The following RBMS3 variants were observed in gnomAD, a reference collection of about 807,000 sequenced individuals.
RBMS3 encodes RNA-binding motif, single-stranded-interacting protein 3.
RBMS3 carries 27 observed loss-of-function variants against 66.8 expected under a neutral mutation model. That is an observed-to-expected ratio of 0.40 (90% CI 0.30 to 0.56). The LOEUF is 0.56. Among genes scored for constraint, RBMS3 ranks in the 20% least tolerant of loss-of-function variants. The pLI is 0.40. For synonymous variants in RBMS3, 188 were observed against 183.0 expected (o/e 1.03, Z -0.22); for missense variants, 513 against 549.5 (o/e 0.93, Z 0.66).
intron 4 of RBMS3, among the ~76,000 whole-genome samples, chr3:29,620,763 C>G (rs983530649): frequency 4.6e-5 from 7 of 151,912 alleles, no homozygotes; most frequent in Non-Finnish European, 1.0e-4. Flanking sequence ...TATAAGTCAT[C>G]CTAGAACTCA....
intron 2 of RBMS3, among the ~76,000 whole-genome samples, chr3:29,436,045 T>C (rs2041392432): frequency 6.6e-6 from 1 of 152,154 alleles, no homozygotes; most frequent in Non-Finnish European, 1.5e-5. Context: ...AAAATAATAT[T>C]AGAACATATA....
At chr3:29,432,700 ATAAT>A (rs2041254288) in intron 1 of RBMS3, among the ~76,000 whole-genome samples, 1 of 152,202 alleles carries the variant, frequency 6.6e-6, no homozygotes, top group Non-Finnish European at 1.5e-5. Context: ...TAAGCCAAAA[ATAAT>A]TAAATAAGAC....
chr3:29,516,327 G>A (rs547143799), intron 3 of RBMS3, among the ~76,000 whole-genome samples: 3 of 152,328 alleles, frequency 2.0e-5, no homozygotes, highest in African/African-American at 7.2e-5. Flanking sequence ...AGGCCTAGAG[G>A]TCAGGAGATG....
Position 29,899,700 on chromosome 3 carries a change from C to A in RBMS3, c.889-5C>A. ...TTGTGCTAATAAATGCTGTTTGATG[C>A]ATAGGTCCAGAGTACTTCATGGATG... On this transcript the variant is annotated splice_polypyrimidine_tract_variant and splice_region_variant and intron_variant, in intron 9 of 14. Coordinates refer to ENST00000383767, the MANE Select transcript of RBMS3 (RefSeq NM_001003793.3). The A allele has an allele frequency of 1.2e-6, 2 of 1,608,848 alleles. No individual in the cohort carries two copies. Among genetic ancestry groups the A allele is most frequent in the Non-Finnish European group, 1.7e-6 (2 of 1,177,080 alleles).
intron 2 of RBMS3, among the ~76,000 whole-genome samples, chr3:29,462,899 C>A (rs62236891): frequency 0.038 from 5,801 of 152,212 alleles, 254 homozygotes; most frequent in East Asian, 0.24. Flanking sequence ...TAGAGATGAT[C>A]TTCAGTCATT....
chr3:29,725,887 C>A (rs913772096), intron 4 of RBMS3, among the ~76,000 whole-genome samples: 6 of 152,100 alleles, frequency 3.9e-5, no homozygotes, highest in African/African-American at 1.4e-4. Flanking sequence ...GATAACAAAA[C>A]CTGGCAGAGA....
chr3:29,731,104 AG>A (rs2054113431), intron 4 of RBMS3: 1 of 830,344 alleles, frequency 1.2e-6, no homozygotes, highest in African/African-American at 1.9e-5. Context: ...TTGAAATAAA[AG>A]CCAGCCCAAG....
chr3:29,969,285 G>A (rs549516210), intron 12 of RBMS3, among the ~76,000 whole-genome samples: 6 of 152,114 alleles, frequency 3.9e-5, no homozygotes, highest in East Asian at 1.9e-4. Flanking sequence ...AACTGATTTC[G>A]TCTCTTGCTT....
chr3:29,321,177 A>G (rs1559485785), intron 1 of RBMS3, among the ~76,000 whole-genome samples: 1 of 152,100 alleles, frequency 6.6e-6, no homozygotes, highest in African/African-American at 2.4e-5. Context: ...TAAGTGTTTT[A>G]TTGTACTAGA....
At chr3:29,319,110 C>T (rs1209515244) in intron 1 of RBMS3, among the ~76,000 whole-genome samples, 1 of 151,810 alleles carries the variant, frequency 6.6e-6, no homozygotes, top group Non-Finnish European at 1.5e-5. Context: ...AAGGATCCAG[C>T]CAGAGATCAG....
chr3:29,444,703 T>TCTTTGTAGACAAGTACAAG (rs1339097586), intron 2 of RBMS3, among the ~76,000 whole-genome samples: 1 of 151,138 alleles, frequency 6.6e-6, no homozygotes, highest in Non-Finnish European at 1.5e-5. Flanking sequence ...AGCAGGAAAG[T>TCTTTGTAGACAAGTACAAG]CTTTGTAGAC....
chr3:29,920,591 T>C (rs2149653255), intron 10 of RBMS3, among the ~76,000 whole-genome samples: 1 of 151,978 alleles, frequency 6.6e-6, no homozygotes, highest in East Asian at 1.9e-4. Flanking sequence ...TATTTGGATA[T>C]ATCCTTGGAA....
intron 7 of RBMS3, among the ~76,000 whole-genome samples, chr3:29,876,158 T>G (rs1176482538): frequency 6.6e-6 from 1 of 152,174 alleles, no homozygotes; most frequent in Non-Finnish European, 1.5e-5. Flanking sequence ...AGTAATTTCA[T>G]GAAGAAGGGC....
chr3:29,808,813 G>A (rs898589626), intron 6 of RBMS3, among the ~76,000 whole-genome samples: 27 of 151,788 alleles, frequency 1.8e-4, no homozygotes, highest in African/African-American at 6.5e-4. Context: ...GAAATGCGTA[G>A]GATCTGTCCA....
chr3:29,358,259 C>T (rs1290152480), intron 1 of RBMS3, among the ~76,000 whole-genome samples: 1 of 152,178 alleles, frequency 6.6e-6, no homozygotes, highest in African/African-American at 2.4e-5. Context: ...CATCTTTCTA[C>T]TTATGGCTAG....
chr3:29,772,967 A>G (rs1330564118), intron 6 of RBMS3, among the ~76,000 whole-genome samples: 1 of 152,100 alleles, frequency 6.6e-6, no homozygotes, highest in African/African-American at 2.4e-5. Context: ...GAAATAAAAT[A>G]TGAACTTAAA....
chr3:29,391,011 G>A (rs2039269253), intron 1 of RBMS3: 1 of 379,446 alleles, frequency 2.6e-6, no homozygotes, highest in South Asian at 2.2e-5. Flanking sequence ...ACATTCAACT[G>A]TAATGAGCTT....
chr3:29,371,442 A>C (rs897789651), intron 1 of RBMS3, among the ~76,000 whole-genome samples: 6 of 152,200 alleles, frequency 3.9e-5, no homozygotes, highest in Non-Finnish European at 8.8e-5. Context: ...TCTAGCTGTA[A>C]AATTATGTTG....
intron 1 of RBMS3, among the ~76,000 whole-genome samples, chr3:29,374,608 G>A (rs899963594): frequency 6.6e-6 from 1 of 152,196 alleles, no homozygotes; most frequent in African/African-American, 2.4e-5. Context: ...GTAGTCTAAT[G>A]TAAGTGTTCT....
Sources: gnomAD v4.1 joint callset for allele counts (sites outside exome capture counted in the v4.1 genomes callset) on GRCh38, gnomAD v4.1.1 for gene constraint, MANE v1.5 for transcripts, NCBI Gene and HGNC (gene_info 2026-07-23, HGNC 2026-07-21) for gene names.